Variants in ZNF804A observed in about 807,000 individuals in gnomAD.
ZNF804A encodes zinc finger protein 804A.
In ZNF804A, 2 loss-of-function variants were observed where a neutral mutation model predicts 16.5. That is an observed-to-expected ratio of 0.12 (90% confidence interval 0.05 to 0.38). ZNF804A has a LOEUF of 0.38. Ranked by LOEUF, ZNF804A falls within the 10% of genes least tolerant of loss-of-function variation. ZNF804A has a pLI of 0.99. For missense variants in ZNF804A, 1,473 were observed against 1,390.7 expected (o/e 1.06, Z -0.94); for synonymous variants, 534 against 489.6 (o/e 1.09, Z -1.20).
At chr2:184,898,815 G>T (rs996312685) in intron 2 of ZNF804A, among the ~76,000 whole-genome samples, 1 of 151,874 alleles carries the variant, frequency 6.6e-6, no homozygotes, top group African/African-American at 2.4e-5. Flanking sequence ...GTACTTCCAT[G>T]TTTAGTCATT....
Position 184,782,885 on chromosome 2 carries a change from C to G in ZNF804A, c.112-83484C>G, listed in dbSNP as rs1487813739. 2.7e-5 allele frequency among the ~76,000 whole-genome samples: 4 copies of G among 150,036 alleles called. No individual in the cohort carries two copies. The East Asian group carries it at 7.8e-4, about 29-fold the overall frequency. Reference sequence around the variant, plus strand: ...CATTGTAGTCAACTTAGCATGCTCCCCATGATGGCTCTAAGATAACTATTC... The same window carrying G: ...CATTGTAGTCAACTTAGCATGCTCCGCATGATGGCTCTAAGATAACTATTC... On this transcript the variant is annotated intron_variant, in intron 1 of 3. Coordinates refer to ENST00000302277, the MANE Select transcript of ZNF804A (RefSeq NM_194250.2).
intron 1 of ZNF804A, among the ~76,000 whole-genome samples, chr2:184,688,424 TATA>T (rs1019406957): frequency 6.6e-6 from 1 of 151,964 alleles, no homozygotes; most frequent in Non-Finnish European, 1.5e-5. Context: ...ATATATAATC[TATA>T]ATATTTCAAA....
At chr2:184,705,316 T>C (rs1693004448) in intron 1 of ZNF804A, among the ~76,000 whole-genome samples, 1 of 152,152 alleles carries the variant, frequency 6.6e-6, no homozygotes, top group Non-Finnish European at 1.5e-5. Context: ...AAGGAGTGAC[T>C]ATGAAAAGGT....
At chr2:184,717,026 A>G (rs1693225894) in intron 1 of ZNF804A, among the ~76,000 whole-genome samples, 1 of 152,120 alleles carries the variant, frequency 6.6e-6, no homozygotes, top group South Asian at 2.1e-4. Context: ...TAAAATCATA[A>G]TATAATAAAC....
rs1228085170 is a variant in ZNF804A at position 184,937,036 on chromosome 2, G to A, written c.1640G>A (p.Arg547Lys). Residue 547 changes from arginine (R) to lysine (K), a missense_variant, in exon 4 of 4, where the codon AGG becomes AAG. Arg to Lys is a conservative substitution (Grantham distance 26). Coordinates refer to ENST00000302277, the MANE Select transcript of ZNF804A (RefSeq NM_194250.2). ...GGAAAAAATGAGAACACAGGTCAGA[G>A]GTATAAAAACATTTCCTGTAAGATC... ...DSGKNENTGQ[R>K]YKNISCKIRE... The A allele has an allele frequency of 1.2e-6, 2 of 1,609,560 alleles. No homozygotes were observed. The highest frequency in any genetic ancestry group is 2.7e-5 in the African/African-American group (2 of 74,568).
chr2:184,918,309 G>A (rs896528415), intron 2 of ZNF804A, among the ~76,000 whole-genome samples: 1 of 152,106 alleles, frequency 6.6e-6, no homozygotes, highest in Non-Finnish European at 1.5e-5. Context: ...TAATTAATAT[G>A]TCTCTTGATG....
intron 1 of ZNF804A, among the ~76,000 whole-genome samples, chr2:184,631,489 A>G (rs1691608542): frequency 6.6e-6 from 1 of 152,162 alleles, no homozygotes; most frequent in Non-Finnish European, 1.5e-5. Flanking sequence ...GCTATGATTG[A>G]TTCTGCATAT....
intron 2 of ZNF804A, among the ~76,000 whole-genome samples, chr2:184,878,334 G>A (rs910744102): frequency 6.6e-6 from 1 of 152,044 alleles, no homozygotes; most frequent in African/African-American, 2.4e-5. Context: ...CTACCACAAA[G>A]CTCGGTTTGA....
At chr2:184,697,333 G>A (rs1016996136) in intron 1 of ZNF804A, among the ~76,000 whole-genome samples, 10 of 151,998 alleles carry the variant, frequency 6.6e-5, no homozygotes, top group Non-Finnish European at 1.0e-4. Flanking sequence ...CATGCATTAC[G>A]TGTCAAGCCT....
At chr2:184,628,649 T>A (rs1452433401) in intron 1 of ZNF804A, among the ~76,000 whole-genome samples, 1 of 151,890 alleles carries the variant, frequency 6.6e-6, no homozygotes, top group Non-Finnish European at 1.5e-5. Context: ...TTGGTAATCC[T>A]TTTTTTTAAA....
chr2:184,666,421 A>G (rs115294081), intron 1 of ZNF804A, among the ~76,000 whole-genome samples: 3,386 of 152,232 alleles, frequency 0.022, 71 homozygotes, highest in Non-Finnish European at 0.034. Flanking sequence ...TTCAAAATAC[A>G]TGTACTCTAA....
At chr2:184,832,587 C>T (rs1246579587) in intron 1 of ZNF804A, among the ~76,000 whole-genome samples, 3 of 151,774 alleles carry the variant, frequency 2.0e-5, no homozygotes, top group Non-Finnish European at 2.9e-5. Flanking sequence ...ATCATACTCC[C>T]AGTTTATAGC....
rs187282207 is a variant in ZNF804A at position 184,792,590 on chromosome 2, T to C, written c.112-73779T>C. Among the ~76,000 whole-genome samples, 4 of 152,318 alleles carry C rather than the reference T, an allele frequency of 2.6e-5. 1 individual carries two copies. Among genetic ancestry groups the C allele is most frequent in the African/African-American group, 9.6e-5 (4 of 41,572 alleles). Reference sequence around the variant, plus strand: ...GAATTTCTTTATCTGGTATATACTTTGCAAATGATTTCTCCTAGTCTATGG... The same window carrying C: ...GAATTTCTTTATCTGGTATATACTTCGCAAATGATTTCTCCTAGTCTATGG... On this transcript the variant is annotated intron_variant, in intron 1 of 3. Transcript: ENST00000302277.
intron 1 of ZNF804A, among the ~76,000 whole-genome samples, chr2:184,774,824 C>T (rs1360297279): frequency 6.6e-6 from 1 of 151,580 alleles, no homozygotes; most frequent in African/African-American, 2.4e-5. Flanking sequence ...AGTGGGAAAG[C>T]TAACACATGT....
intron 1 of ZNF804A, among the ~76,000 whole-genome samples, chr2:184,663,815 T>A (rs1692217024): frequency 6.6e-6 from 1 of 152,188 alleles, no homozygotes; most frequent in South Asian, 2.1e-4. Flanking sequence ...ATTATAGCCC[T>A]CGTATGAAAG....
rs556326198 is a variant in ZNF804A, at chr2:184,903,435, G to C, written c.256-30168G>C. Among the ~76,000 whole-genome samples the C allele has an allele frequency of 9.2e-5, 14 of 152,160 alleles. No individual in the cohort carries two copies. The East Asian group carries it at 2.5e-3, about 27-fold the overall frequency. On this transcript the variant is annotated intron_variant, in intron 2 of 3. Transcript: ENST00000302277. Reference sequence around the variant, plus strand: ...TTTAGTGCAGTAACATACTATATAGGCTTGTAGCCTAGGAGCAATAGGCTA... The same window carrying C: ...TTTAGTGCAGTAACATACTATATAGCCTTGTAGCCTAGGAGCAATAGGCTA...
chr2:184,683,774 A>T (rs1300163126), intron 1 of ZNF804A, among the ~76,000 whole-genome samples: 1 of 152,218 alleles, frequency 6.6e-6, no homozygotes, highest in East Asian at 1.9e-4. Flanking sequence ...AATATTCAGT[A>T]AAATATTCTA....
At chr2:184,859,402 T>A (rs1196716366) in intron 1 of ZNF804A, among the ~76,000 whole-genome samples, 3 of 152,120 alleles carry the variant, frequency 2.0e-5, no homozygotes, top group Non-Finnish European at 4.4e-5. Flanking sequence ...AATGCATTGT[T>A]AATTTCATTC....
intron 1 of ZNF804A, among the ~76,000 whole-genome samples, chr2:184,850,155 A>G (rs1695580078): frequency 6.6e-6 from 1 of 151,836 alleles, no homozygotes; most frequent in Non-Finnish European, 1.5e-5. Flanking sequence ...AACATTTGAT[A>G]GCACAACAGG....
Sources: gnomAD v4.1 joint callset for allele counts (sites outside exome capture counted in the v4.1 genomes callset) on GRCh38, gnomAD v4.1.1 for gene constraint, MANE v1.5 for transcripts, NCBI Gene and HGNC (gene_info 2026-07-23, HGNC 2026-07-21) for gene names.